Variants in LIMCH1 observed in about 807,000 individuals in gnomAD.
LIMCH1 encodes LIM and calponin homology domains 1.
In LIMCH1, 113 loss-of-function variants were observed where a neutral mutation model predicts 176.5. That is an observed-to-expected ratio of 0.64 (90% CI 0.55 to 0.75). The LOEUF (loss-of-function observed/expected upper bound fraction) is 0.75. Ranked by LOEUF, LIMCH1 falls within the 30% of genes least tolerant of loss-of-function variation. LIMCH1 has a pLI of 0.00. For missense variants in LIMCH1, 1,674 were observed against 1,814.9 expected (o/e 0.92, Z 1.41); for synonymous variants, 619 against 645.9 (o/e 0.96, Z 0.63).
At chr4:41,406,604 A>G (rs1282343658) in intron 1 of LIMCH1, among the ~76,000 whole-genome samples, 3 of 152,180 alleles carry the variant, frequency 2.0e-5, no homozygotes, top group Non-Finnish European at 4.4e-5. Context: ...AATGGAAAAA[A>G]ATTATTGAAA....
At chr4:41,398,051 A>G (rs976012763) in intron 1 of LIMCH1, among the ~76,000 whole-genome samples, 1 of 151,974 alleles carries the variant, frequency 6.6e-6, no homozygotes. Flanking sequence ...ATACAAACCC[A>G]TGTCCATGTA....
chr4:41,472,260 A>G (rs928244068), intron 1 of LIMCH1, among the ~76,000 whole-genome samples: 37 of 152,218 alleles, frequency 2.4e-4, no homozygotes, highest in African/African-American at 8.9e-4. Context: ...CGACACATGT[A>G]GGCGCCTGTT....
chr4:41,670,148 G>T (rs114658230), intron 21 of LIMCH1, among the ~76,000 whole-genome samples: 4 of 152,146 alleles, frequency 2.6e-5, no homozygotes, highest in African/African-American at 7.2e-5. Flanking sequence ...AAATATGTGC[G>T]CATTAAAAAC....
intron 26 of LIMCH1, among the ~76,000 whole-genome samples, 171 bp from the exon 27 acceptor site, chr4:41,684,226 A>G (rs955601872): frequency 5.3e-5 from 8 of 152,226 alleles, no homozygotes; most frequent in African/African-American, 1.9e-4. Context: ...TGGATAATAG[A>G]AATTTGTAGT....
chr4:41,555,342 A>G (rs969047631), intron 1 of LIMCH1, among the ~76,000 whole-genome samples: 5 of 152,192 alleles, frequency 3.3e-5, no homozygotes, highest in Admixed American at 2.0e-4. Flanking sequence ...AAGCCTATCA[A>G]AGCTTTCTGT....
chr4:41,623,432 T>C (rs536604695), intron 7 of LIMCH1, among the ~76,000 whole-genome samples: 3 of 152,274 alleles, frequency 2.0e-5, no homozygotes, highest in Non-Finnish European at 2.9e-5. Flanking sequence ...TTGTAGACTG[T>C]TTTTTGTTTG....
chr4:41,592,280 G>T (rs1399672919), intron 1 of LIMCH1, among the ~76,000 whole-genome samples: 1 of 152,086 alleles, frequency 6.6e-6, no homozygotes, highest in African/African-American at 2.4e-5. Context: ...AGCTTTTCTG[G>T]CCTGAACTTA....
At chr4:41,584,286 G>T (rs1351917365) in intron 1 of LIMCH1, among the ~76,000 whole-genome samples, 3 of 152,184 alleles carry the variant, frequency 2.0e-5, no homozygotes, top group Non-Finnish European at 4.4e-5. Context: ...TTGGGGGTTG[G>T]TTGGCATTGC....
intron 1 of LIMCH1, among the ~76,000 whole-genome samples, chr4:41,444,307 TATATATACACACACACACAC>T (rs1391607027): frequency 8.3e-5 from 6 of 72,500 alleles, no homozygotes; most frequent in African/African-American, 6.2e-4. Flanking sequence ...TGTGTGTGTA[TATATATACACACACACACAC>T]ACACACACAC....
At chr4:41,569,863 C>T (rs1318949545) in intron 1 of LIMCH1, among the ~76,000 whole-genome samples, 4 of 152,206 alleles carry the variant, frequency 2.6e-5, no homozygotes, top group East Asian at 1.9e-4. Context: ...TTCTGTTCCT[C>T]GTCATCATCA....
chr4:41,457,342 A>G (rs1470849820), intron 1 of LIMCH1, among the ~76,000 whole-genome samples: 5 of 152,100 alleles, frequency 3.3e-5, no homozygotes, highest in African/African-American at 9.7e-5. Flanking sequence ...GAGGAGAATT[A>G]TGGATTGATA....
rs1428874126 is a variant in LIMCH1 at position 41,681,329 on chromosome 4, T to G, written c.3717+270T>G. The stretch of plus-strand genomic sequence containing the variant: ...CTGGAAGCCAAAGTCTCTCCACACC[T>G]GGCTGGCAAGATCTCAATTAGTGAA... On this transcript the variant is annotated intron_variant, in intron 25 of 31. Coordinates refer to ENST00000503057, the MANE Select transcript of LIMCH1 (RefSeq NM_001330672.2). Among the ~76,000 whole-genome samples the G allele has an allele frequency of 3.3e-5, 5 of 152,266 alleles. No homozygotes were observed. In the South Asian group the frequency reaches 8.3e-4, roughly 25 times the overall value.
Position 41,541,623 on chromosome 4 carries a change from A to T in LIMCH1, c.-241+3273A>T, listed in dbSNP as rs143358545. Among the ~76,000 whole-genome samples the T allele has an allele frequency of 2.3e-3, 347 of 152,292 alleles. 2 individuals carry two copies. Among genetic ancestry groups the T allele is most frequent in the Non-Finnish European group, 4.3e-3 (293 of 68,028 alleles). On this transcript the variant is annotated intron_variant, in intron 1 of 31. Coordinates refer to ENST00000503057, the MANE Select transcript of LIMCH1 (RefSeq NM_001330672.2). ...CCAGACCTGGTAAATCACCAATGTG[A>T]ATTATAGAACAGGATCATTTTTCAT...
rs777417070 is a variant in LIMCH1 at position 41,646,726 on chromosome 4, A to G, written c.2653A>G (p.Thr885Ala). ...RQQSLPPPKF[T>A]ATVETTIARA... Reference sequence around the variant, plus strand: ...ACAGTCACTGCCTCCACCCAAATTCACTGCCACTGTTGAAACCACCATTGC... The same window carrying G: ...ACAGTCACTGCCTCCACCCAAATTCGCTGCCACTGTTGAAACCACCATTGC... Residue 885 changes from threonine (T) to alanine (A), a missense_variant, in exon 17 of 32, where the codon ACT (threonine) becomes GCT (alanine). This residue lies in a region of LIMCH1 where 1,015 missense variants were observed against 1,102.5 expected (regional missense o/e 0.92). Coordinates refer to ENST00000503057, the MANE Select transcript of LIMCH1 (RefSeq NM_001330672.2). 7 of 1,614,176 alleles carry G rather than the reference A, an allele frequency of 4.3e-6. No individual in the cohort carries two copies. Among genetic ancestry groups the G allele is most frequent in the Non-Finnish European group, 5.9e-6 (7 of 1,180,032 alleles).
intron 13 of LIMCH1, among the ~76,000 whole-genome samples, chr4:41,638,443 C>T (rs975287338): frequency 2.6e-5 from 4 of 152,178 alleles, no homozygotes; most frequent in African/African-American, 7.2e-5. Flanking sequence ...TGCAGAAACA[C>T]TCTTTGATGT....
chr4:41,605,124 A>G (rs1177368324), intron 3 of LIMCH1, among the ~76,000 whole-genome samples: 1 of 152,146 alleles, frequency 6.6e-6, no homozygotes, highest in African/African-American at 2.4e-5. Context: ...TGTAAAGAGG[A>G]TTTGCTTTTG....
intron 22 of LIMCH1, among the ~76,000 whole-genome samples, chr4:41,673,886 A>C (rs1270218690): frequency 6.6e-6 from 1 of 152,180 alleles, no homozygotes. Context: ...TACATCTCTT[A>C]TGATAGTTAT....
intron 31 of LIMCH1, among the ~76,000 whole-genome samples, chr4:41,693,851 G>A (rs1387706036): frequency 6.6e-6 from 1 of 152,158 alleles, no homozygotes; most frequent in African/African-American, 2.4e-5. Flanking sequence ...TTTGAAAAGT[G>A]CTGTAGATCT....
chr4:41,611,944 G>A (rs73810285), intron 4 of LIMCH1, among the ~76,000 whole-genome samples: 2,211 of 152,196 alleles, frequency 0.015, 60 homozygotes, highest in African/African-American at 0.05. Flanking sequence ...TTCAAGTCCT[G>A]GTTAACTTTT....
Sources: gnomAD v4.1 joint callset for allele counts (sites outside exome capture counted in the v4.1 genomes callset) on GRCh38, gnomAD v4.1.1 for gene constraint, gnomAD v4.1.1 regional missense constraint, MANE v1.5 for transcripts, NCBI Gene and HGNC (gene_info 2026-07-23, HGNC 2026-07-21) for gene names.